The following SMYD3 variants were observed in gnomAD, a reference collection of about 807,000 sequenced individuals.
SMYD3 encodes the protein histone-lysine N-methyltransferase SMYD3.
A neutral mutation model predicts 57.7 loss-of-function variants in SMYD3; 36 were observed. The observed-to-expected ratio is 0.62, with a 90% CI of 0.48 to 0.82. The LOEUF (loss-of-function observed/expected upper bound fraction) is 0.82, where lower values mean the gene tolerates loss of function less well. SMYD3 is among the 40% of genes least tolerant of loss of function. The pLI is 0.00. For synonymous variants in SMYD3, 211 were observed against 195.0 expected, an observed-to-expected ratio of 1.08 and a Z score of -0.68; for missense variants, 515 against 538.8, an observed-to-expected ratio of 0.96 and a Z score of 0.44.
At chr1:245,825,406 T>C (rs1402294996) in intron 10 of SMYD3, among the ~76,000 whole-genome samples, 2 of 152,154 alleles carry the variant, frequency 1.3e-5, no homozygotes, top group African/African-American at 2.4e-5. Flanking sequence ...TGGGATGAGA[T>C]TGGCAAGCGG....
Position 246,489,570 on chromosome 1 carries a change from G to A in SMYD3, c.164+17484C>T, listed in dbSNP as rs913182980. Among the ~76,000 whole-genome samples the A allele has an allele frequency of 2.6e-5, 4 of 152,190 alleles. No individual in the cohort carries two copies. In the East Asian group the frequency reaches 7.7e-4, roughly 29 times the overall value. On this transcript the variant is annotated intron_variant, in intron 1 of 11. Coordinates refer to ENST00000490107, the MANE Select transcript of SMYD3 (RefSeq NM_001167740.2). Reference sequence around the variant, plus strand: ...AAGGAAATTTGCTCTATTCGACAGCGATTTCAAAGTATTCTAAATAAAGAA... The same window carrying A: ...AAGGAAATTTGCTCTATTCGACAGCAATTTCAAAGTATTCTAAATAAAGAA...
intron 10 of SMYD3, among the ~76,000 whole-genome samples, chr1:245,831,014 T>C (rs1442499740): frequency 6.6e-6 from 1 of 152,178 alleles, no homozygotes; most frequent in African/African-American, 2.4e-5. Context: ...CAAACAGCAG[T>C]ATCAACAACC....
intron 5 of SMYD3, among the ~76,000 whole-genome samples, chr1:246,307,475 A>G (rs1203379898): frequency 2.3e-5 from 3 of 132,320 alleles, no homozygotes; most frequent in Non-Finnish European, 3.0e-5. Flanking sequence ...GCTGGAGTGC[A>G]GTGGCGTGAT....
chr1:246,110,619 GCTCTCT>G (rs553242484), intron 5 of SMYD3, among the ~76,000 whole-genome samples: 87 of 152,300 alleles, frequency 5.7e-4, no homozygotes, highest in Non-Finnish European at 9.9e-4. Context: ...CAGATCTGGT[GCTCTCT>G]CTCTTTCTTT....
chr1:246,108,817 T>C (rs566233136), intron 5 of SMYD3: 1 of 152,358 alleles, frequency 6.6e-6, no homozygotes, highest in African/African-American at 2.4e-5. Flanking sequence ...CACACTAAAC[T>C]CAGTATTAGC....
chr1:245,993,426 C>T (rs1003903160), intron 5 of SMYD3, among the ~76,000 whole-genome samples: 1 of 152,056 alleles, frequency 6.6e-6, no homozygotes, highest in Non-Finnish European at 1.5e-5. Context: ...GAAGAAACCA[C>T]GTTTAAAAAA....
intron 11 of SMYD3, among the ~76,000 whole-genome samples, chr1:245,751,601 AGAGAG>A (rs1178000494): frequency 2.0e-5 from 3 of 148,054 alleles, no homozygotes; most frequent in African/African-American, 7.5e-5. Context: ...AGAAAGAGAG[AGAGAG>A]AAAGAGAGAG....
chr1:245,997,275 CAG>C (rs1188335614), intron 5 of SMYD3, among the ~76,000 whole-genome samples: 1 of 152,202 alleles, frequency 6.6e-6, no homozygotes, highest in Non-Finnish European at 1.5e-5. Flanking sequence ...TACTCTCAGA[CAG>C]GGGGGATGTC....
intron 5 of SMYD3, 66 bp from the exon 6 acceptor site, chr1:245,930,003 T>TA (rs2056616311): frequency 1.4e-6 from 2 of 1,430,536 alleles, no homozygotes; most frequent in African/African-American, 1.4e-5. Flanking sequence ...GCCAAGAGAA[T>TA]AAAAAACGTT....
At chr1:245,971,580 G>A (rs1432674484) in intron 5 of SMYD3, among the ~76,000 whole-genome samples, 3 of 152,194 alleles carry the variant, frequency 2.0e-5, no homozygotes, top group African/African-American at 7.2e-5. Flanking sequence ...CTTCCTGAGG[G>A]AAAACCTGAG....
intron 10 of SMYD3, among the ~76,000 whole-genome samples, chr1:245,844,340 T>C (rs940686101): frequency 6.6e-6 from 1 of 151,958 alleles, no homozygotes; most frequent in African/African-American, 2.4e-5. Context: ...ATACTATACT[T>C]AAAATAATGC....
At chr1:245,824,363 C>T (rs960586457) in intron 10 of SMYD3, among the ~76,000 whole-genome samples, 3 of 152,174 alleles carry the variant, frequency 2.0e-5, no homozygotes, top group Non-Finnish European at 2.9e-5. Context: ...TTGGATGAAA[C>T]GACACATGAA....
chr1:245,887,587 A>C (rs1406271587), intron 8 of SMYD3, among the ~76,000 whole-genome samples: 2 of 152,150 alleles, frequency 1.3e-5, no homozygotes, highest in Non-Finnish European at 2.9e-5. Context: ...AAACCATCTC[A>C]ATGAAAATTC....
chr1:246,152,848 T>C (rs10924520), intron 5 of SMYD3, among the ~76,000 whole-genome samples: 8,609 of 150,940 alleles, frequency 0.057, 515 homozygotes, highest in East Asian at 0.22. Flanking sequence ...TAGGTAATGA[T>C]AGGAGCTATT....
intron 5 of SMYD3, among the ~76,000 whole-genome samples, chr1:246,027,717 G>A (rs879377505): frequency 5.3e-5 from 8 of 152,182 alleles, no homozygotes; most frequent in African/African-American, 9.6e-5. Flanking sequence ...ACAAGAAGAC[G>A]AATGCTGTTT....
chr1:246,227,483 C>T (rs1188104312), intron 5 of SMYD3, among the ~76,000 whole-genome samples: 1 of 152,016 alleles, frequency 6.6e-6, no homozygotes, highest in African/African-American at 2.4e-5. Context: ...GGTGTGGTGG[C>T]GGGCGCCTGA....
intron 2 of SMYD3, among the ~76,000 whole-genome samples, chr1:246,338,657 GA>G (rs2065581799): frequency 6.6e-6 from 1 of 151,964 alleles, no homozygotes; most frequent in South Asian, 2.1e-4. Context: ...TTTCATGCTG[GA>G]AAAAAAGGAA....
intron 5 of SMYD3, among the ~76,000 whole-genome samples, chr1:245,948,427 C>T (rs115107875): frequency 2.9e-3 from 441 of 152,226 alleles, no homozygotes; most frequent in Non-Finnish European, 4.8e-3. Flanking sequence ...GAGAGATGCC[C>T]AGCCGTCCAC....
intron 1 of SMYD3, among the ~76,000 whole-genome samples, chr1:246,416,027 T>A (rs1205670647): frequency 6.6e-6 from 1 of 152,228 alleles, no homozygotes; most frequent in Non-Finnish European, 1.5e-5. Context: ...CAAAAGGAAC[T>A]GTGGGTTTTG....
Sources: gnomAD v4.1 joint callset for allele counts (sites outside exome capture counted in the v4.1 genomes callset) on GRCh38, gnomAD v4.1.1 for gene constraint, MANE v1.5 for transcripts, NCBI Gene and HGNC (gene_info 2026-07-23, HGNC 2026-07-21) for gene names.